The following GTPBP4 variants were observed in gnomAD, a reference collection of about 807,000 sequenced individuals.
GTPBP4 encodes GTP binding protein 4.
GTPBP4 carries 15 observed loss-of-function variants against 81.7 expected under a neutral mutation model. The observed-to-expected ratio is 0.18, with a 90% CI of 0.12 to 0.28. The LOEUF is 0.28. Among genes scored for constraint, GTPBP4 ranks in the 10% least tolerant of loss-of-function variants. The pLI, the probability that GTPBP4 is intolerant of heterozygous loss-of-function variation, is 1.00. For synonymous variants in GTPBP4, 272 were observed against 274.6 expected (o/e 0.99, Z 0.09); for missense variants, 847 against 793.8 (o/e 1.07, Z -0.81).
intron 15 of GTPBP4, among the ~76,000 whole-genome samples, chr10:1,014,879 A>G (rs1454132592): frequency 6.7e-6 from 1 of 148,430 alleles, no homozygotes; most frequent in Non-Finnish European, 1.5e-5. Flanking sequence ...CTGTGTCTCA[A>G]AAAAAAAAAA....
chr10:1,019,800 T>C lies in GTPBP4; in HGVS notation c.*2573T>C. 1 of 1,614,094 alleles carries C rather than the reference T, an allele frequency of 6.2e-7. No individual in the cohort carries two copies. Among genetic ancestry groups the C allele is most frequent in the South Asian group, 1.1e-5 (1 of 91,084 alleles). On this transcript the variant is annotated 3_prime_UTR_variant, in exon 17 of 17. Transcript: ENST00000360803. ...TCTGTCTGATTTTGCCTTGTGGTGA[T>C]AGATTGTCATGAACACAATGTCCTC...
At chr10:1,007,717 G>C (rs1831770015) in intron 10 of GTPBP4, among the ~76,000 whole-genome samples, 1 of 152,238 alleles carries the variant, frequency 6.6e-6, no homozygotes, top group East Asian at 1.9e-4. Context: ...ACGCCTTCCT[G>C]GTGTGTGCTG....
At chr10:1,012,355 G>A (rs1198566672) in intron 13 of GTPBP4, 110 bp from the exon 14 acceptor site, 7 of 719,780 alleles carry the variant, frequency 9.7e-6, no homozygotes, top group East Asian at 8.4e-5. Context: ...CAGGGCAATC[G>A]CTCTCCTCTG....
chr10:1,016,130 G>C (rs1831988501), intron 16 of GTPBP4, among the ~76,000 whole-genome samples: 1 of 152,194 alleles, frequency 6.6e-6, no homozygotes, highest in Non-Finnish European at 1.5e-5. Flanking sequence ...TTTGCGGAGG[G>C]TGGCCAGAGC....
rs60965306 is a variant in GTPBP4, at chr10:998,973, G to A, written c.562-30G>A. 3,077 of 1,201,894 alleles carry A rather than the reference G, an allele frequency of 2.6e-3. 61 individuals carry two copies. The African/African-American group carries it at 0.04, about 16-fold the overall frequency. 74.5% of individuals were successfully genotyped at this position (1,201,894 alleles called of 1,614,324 possible). Reference sequence around the variant, plus strand: ...TCCCACGTGTACACAGAGGAAATGAGGTGATTCTGAAAGTTCTCACTTGTT... The same window carrying A: ...TCCCACGTGTACACAGAGGAAATGAAGTGATTCTGAAAGTTCTCACTTGTT... On this transcript the variant is annotated intron_variant, in intron 5 of 16. Coordinates refer to ENST00000360803, the MANE Select transcript of GTPBP4 (RefSeq NM_012341.3).
intron 13 of GTPBP4, among the ~76,000 whole-genome samples, chr10:1,010,835 CTGT>C (rs1831843966): frequency 7.0e-5 from 5 of 71,532 alleles, no homozygotes; most frequent in African/African-American, 3.0e-4. Flanking sequence ...CACCTCTTCC[CTGT>C]CCCGACACTG....
Position 1,017,140 on chromosome 10 carries a change from A to G in GTPBP4, c.1818A>G (p.Lys606=). The G allele has an allele frequency of 6.2e-7, 1 of 1,613,872 alleles. No individual in the cohort carries two copies. Among genetic ancestry groups the G allele is most frequent in the Non-Finnish European group, 8.5e-7 (1 of 1,179,730 alleles). ...AGAAGATGAATCGGTTGGGGAAGAA[A>G]GGGGAGGCGGATAGACACGTGTTTG... ...AQKKMNRLGK[K]GEADRHVFDM... The change falls in exon 17 of 17, where the codon AAA becomes AAG. Residue 606 remains lysine (K), a synonymous_variant. Transcript: ENST00000360803.
intron 13 of GTPBP4, 38 bp from the exon 14 acceptor site, chr10:1,012,427 A>G (rs778447178): frequency 2.8e-6 from 4 of 1,411,774 alleles, no homozygotes; most frequent in Admixed American, 1.9e-5. Context: ...GGGTTTTCTC[A>G]TTGTTAATTT....
At chr10:1,007,320 C>T (rs186923967) in intron 10 of GTPBP4, 192 bp downstream of exon 10, 270 of 524,112 alleles carry the variant, frequency 5.2e-4, no homozygotes, top group African/African-American at 4.6e-3. Flanking sequence ...ACATGGCACC[C>T]GTTTCCCACT....
At chr10:1,008,707 G>C (rs1831796043) in intron 10 of GTPBP4, among the ~76,000 whole-genome samples, 1 of 151,770 alleles carries the variant, frequency 6.6e-6, no homozygotes, top group African/African-American at 2.4e-5. Context: ...TCACTTTGTG[G>C]AGTCCTCCTG....
chr10:994,099 C>G (rs1236047826), intron 2 of GTPBP4, among the ~76,000 whole-genome samples: 1 of 152,120 alleles, frequency 6.6e-6, no homozygotes, highest in African/African-American at 2.4e-5. Context: ...GCTTAAAATA[C>G]AAAAATTCTT....
At chr10:1,015,567 GGGGTCCT>G (rs1453202423) in intron 15 of GTPBP4, among the ~76,000 whole-genome samples, 179 bp from the exon 16 acceptor site, 2 of 137,738 alleles carry the variant, frequency 1.5e-5, no homozygotes, top group Non-Finnish European at 3.1e-5. Context: ...GAGCGGGGCT[GGGGTCCT>G]GAGCGCTGAG....
chr10:1,009,809 A>G (rs1195185708), intron 12 of GTPBP4, among the ~76,000 whole-genome samples: 2 of 152,222 alleles, frequency 1.3e-5, no homozygotes. Context: ...AACCTGGGCA[A>G]CATGGCAGAA....
At position 992,521 on chromosome 10, in the gene GTPBP4, A is replaced by T; in HGVS notation, c.81A>T (p.Gln27His). Residue 27 changes from glutamine (Q) to histidine (H), a missense_variant, in exon 2 of 17, where the codon CAA becomes CAT. Physicochemically the swap from Gln to His is conservative, Grantham distance 24 (BLOSUM62 0). Coordinates refer to ENST00000360803, the MANE Select transcript of GTPBP4 (RefSeq NM_012341.3). ...TAGACCTCACGTTGTCGAAGACTCA[A>T]CGAAAGACTCCAACCGTTATTCATA... ...DFIDLTLSKT[Q>H]RKTPTVIHKH... The T allele has an allele frequency of 6.2e-7, 1 of 1,606,724 alleles. No homozygotes were observed. The highest frequency in any genetic ancestry group is 8.5e-7 in the Non-Finnish European group (1 of 1,173,498).
intron 7 of GTPBP4, 25 bp downstream of exon 7, chr10:1,000,893 C>G: frequency 3.7e-6 from 6 of 1,609,496 alleles, no homozygotes; most frequent in Non-Finnish European, 5.1e-6. Context: ...TCATGTTTTG[C>G]TTCATATCCT....
intron 2 of GTPBP4, among the ~76,000 whole-genome samples, chr10:994,634 C>T (rs1831507251): frequency 6.6e-6 from 1 of 152,186 alleles, no homozygotes; most frequent in Non-Finnish European, 1.5e-5. Context: ...CAACAACATA[C>T]TTTGATCTAC....
At chr10:1,003,454 A>G (rs1485906144) in intron 8 of GTPBP4, among the ~76,000 whole-genome samples, 2 of 151,780 alleles carry the variant, frequency 1.3e-5, no homozygotes, top group Admixed American at 1.3e-4. Flanking sequence ...ATGATTTCTT[A>G]TTTCCTTGCT....
intron 8 of GTPBP4, among the ~76,000 whole-genome samples, chr10:1,004,891 C>T (rs942462310): frequency 6.6e-6 from 1 of 152,172 alleles, no homozygotes; most frequent in African/African-American, 2.4e-5. Context: ...AGTTCCAGTC[C>T]CAAGATGATG....
At position 1,015,695 on chromosome 10, in the gene GTPBP4, GAGC is replaced by G. The variant is rs1831975091; in HGVS notation, c.1609-57_1609-55del. ...CCTGGGGTCCTGAGCGCTGAGCACT[GAGC>G]CTGGGAGTGGACCTGGGGTCCTGAG... is the stretch of plus-strand genomic sequence containing the variant. On this transcript the variant is annotated intron_variant, in intron 15 of 16. Transcript: ENST00000360803. The G allele has an allele frequency of 1.8e-6, 2 of 1,123,674 alleles. 1 individual carries two copies. The allele number at this position is 1,123,674 out of a possible 1,614,324, so 69.6% of individuals were successfully genotyped here. A position where few individuals can be genotyped will look rare whatever the true frequency, so the allele number is the denominator to read the frequency against.
Sources: gnomAD v4.1 joint callset for allele counts (sites outside exome capture counted in the v4.1 genomes callset) on GRCh38, gnomAD v4.1.1 for gene constraint, MANE v1.5 for transcripts, NCBI Gene and HGNC (gene_info 2026-07-23, HGNC 2026-07-21) for gene names.